The following TBC1D1 variants were observed in gnomAD, a reference collection of about 807,000 sequenced individuals.
TBC1D1 encodes the protein TBC1 domain family member 1.
Under a neutral mutation model 125.6 loss-of-function variants are expected in TBC1D1, and 89 were observed. The ratio of observed to expected loss-of-function variants is 0.71; its 90% CI spans 0.60 to 0.85. TBC1D1 has a LOEUF of 0.85. Ranked by LOEUF, TBC1D1 falls within the 40% of genes least tolerant of loss-of-function variation. The pLI, the probability that TBC1D1 is intolerant of heterozygous loss-of-function variation, is 0.00. For synonymous variants in TBC1D1, 565 were observed against 564.1 expected (o/e 1.00, Z -0.02); for missense variants, 1,377 against 1,469.2 (o/e 0.94, Z 1.03).
chr4:38,015,920 A>G (rs549254880), intron 3 of TBC1D1, among the ~76,000 whole-genome samples: 8 of 152,270 alleles, frequency 5.3e-5, no homozygotes, highest in African/African-American at 1.9e-4. Context: ...GATCTAGTGT[A>G]CCGAAAAGAG....
chr4:38,028,081 A>G (rs984752609), intron 7 of TBC1D1, among the ~76,000 whole-genome samples: 3 of 151,936 alleles, frequency 2.0e-5, no homozygotes, highest in Admixed American at 6.6e-5. Context: ...ACCACACATA[A>G]AAGACACGAT....
intron 2 of TBC1D1, among the ~76,000 whole-genome samples, chr4:37,989,834 C>T (rs931338941): frequency 6.6e-6 from 1 of 152,142 alleles, no homozygotes; most frequent in African/African-American, 2.4e-5. Flanking sequence ...TAGGGAGGGA[C>T]TCCTTGACAG....
intron 15 of TBC1D1, chr4:38,110,827 T>C: frequency 1.0e-6 from 1 of 985,526 alleles, no homozygotes; most frequent in Non-Finnish European, 1.2e-6. Flanking sequence ...TCCCTCGAGT[T>C]TGGCAGAAAT....
chr4:38,078,594 A>T (rs749957030), intron 12 of TBC1D1, among the ~76,000 whole-genome samples: 47 of 152,212 alleles, frequency 3.1e-4, no homozygotes, highest in Non-Finnish European at 5.1e-4. Context: ...TCCCAAAAAG[A>T]GGTAGAGACC....
intron 7 of TBC1D1, among the ~76,000 whole-genome samples, chr4:38,028,835 T>A (rs377181897): frequency 1.3e-5 from 2 of 152,224 alleles, no homozygotes; most frequent in South Asian, 4.1e-4. Context: ...CAATGTTTGG[T>A]ACATGAACTT....
chr4:38,031,972 G>A (rs1746238715), intron 7 of TBC1D1, among the ~76,000 whole-genome samples: 1 of 152,180 alleles, frequency 6.6e-6, no homozygotes, highest in African/African-American at 2.4e-5. Context: ...GTATAATTCA[G>A]TGAATTTTTA....
intron 2 of TBC1D1, among the ~76,000 whole-genome samples, chr4:38,000,908 T>G (rs1283396820): frequency 1.3e-5 from 2 of 152,128 alleles, no homozygotes; most frequent in African/African-American, 4.8e-5. Flanking sequence ...TTACTTACAT[T>G]TACTGGTTTA....
chr4:37,984,707 G>A (rs1337599877), intron 2 of TBC1D1, among the ~76,000 whole-genome samples: 1 of 151,702 alleles, frequency 6.6e-6, no homozygotes, highest in Non-Finnish European at 1.5e-5. Context: ...GCTGGGTGTG[G>A]TGGCGTGTAC....
chr4:37,961,069 G>A (rs578086997), intron 2 of TBC1D1: 6 of 1,588,452 alleles, frequency 3.8e-6, no homozygotes, highest in Middle Eastern at 1.7e-4. Flanking sequence ...TGGAGTTTGT[G>A]TGTACTTGTA....
At chr4:38,063,908 C>T (rs1028258798) in intron 12 of TBC1D1, among the ~76,000 whole-genome samples, 4 of 152,292 alleles carry the variant, frequency 2.6e-5, no homozygotes, top group Admixed American at 2.0e-4. Context: ...GGATTACAGG[C>T]GTGAGCCCGA....
chr4:38,123,112 C>T (rs373272908), intron 17 of TBC1D1, among the ~76,000 whole-genome samples: 7 of 152,176 alleles, frequency 4.6e-5, no homozygotes, highest in Non-Finnish European at 7.3e-5. Context: ...TTTTAATTGG[C>T]GTAGATGTGG....
At chr4:38,113,176 A>G (rs2152569910) in intron 15 of TBC1D1, among the ~76,000 whole-genome samples, 1 of 152,304 alleles carries the variant, frequency 6.6e-6, no homozygotes, top group Admixed American at 6.5e-5. Context: ...TTGAAAGATT[A>G]TTAGGAATTT....
intron 2 of TBC1D1, among the ~76,000 whole-genome samples, chr4:37,990,571 A>G (rs1339085969): frequency 6.6e-6 from 1 of 152,248 alleles, no homozygotes; most frequent in Non-Finnish European, 1.5e-5. Context: ...TCTAAGGCCA[A>G]AGCCTTCTTA....
At chr4:38,123,807 A>T (rs969308186) in intron 17 of TBC1D1, among the ~76,000 whole-genome samples, 4 of 152,250 alleles carry the variant, frequency 2.6e-5, no homozygotes, top group African/African-American at 9.6e-5. Flanking sequence ...GGGCTATCCC[A>T]GCCAGCGGGC....
At chr4:37,960,769 C>A in intron 2 of TBC1D1, 4 of 1,614,112 alleles carry the variant, frequency 2.5e-6, no homozygotes, top group Non-Finnish European at 2.5e-6. Flanking sequence ...GACGCCTATC[C>A]AGAAATAGAA....
Position 37,985,499 on chromosome 4 carries a change from A to G in TBC1D1, c.418-29010A>G, listed in dbSNP as rs1286337029. On this transcript the variant is annotated intron_variant, in intron 2 of 19. Coordinates refer to ENST00000261439, the MANE Select transcript of TBC1D1 (RefSeq NM_015173.4). The stretch of plus-strand genomic sequence containing the variant: ...AGACTCACAGGCTCTGTTCTTTTAC[A>G]TTGGTTGAACTTGGCTAAGTTAACT... Among the ~76,000 whole-genome samples, 6 of 152,304 alleles carry G rather than the reference A, an allele frequency of 3.9e-5. No homozygotes were observed. The East Asian group carries it at 1.2e-3, about 29-fold the overall frequency.
intron 14 of TBC1D1, among the ~76,000 whole-genome samples, chr4:38,097,525 G>A (rs940316031): frequency 6.6e-6 from 1 of 152,100 alleles, no homozygotes; most frequent in African/African-American, 2.4e-5. Flanking sequence ...TGTATTTTTA[G>A]TAGAGATGGG....
At chr4:38,015,040 A>T (rs886583154) in intron 3 of TBC1D1, 67 bp downstream of exon 3, 57 of 1,342,594 alleles carry the variant, frequency 4.2e-5, no homozygotes, top group Non-Finnish European at 4.9e-5. Flanking sequence ...AATCTGCTTT[A>T]TGGAGCGAAG....
At chr4:38,021,819 G>T in intron 6 of TBC1D1, 101 bp downstream of exon 6, 3 of 1,286,488 alleles carry the variant, frequency 2.3e-6, no homozygotes, top group Non-Finnish European at 2.0e-6. Flanking sequence ...CCTAACAGAG[G>T]CTTGTATTAG....
Sources: allele counts gnomAD v4.1 joint callset (sites outside exome capture counted in the v4.1 genomes callset), GRCh38; gene constraint gnomAD v4.1.1; transcripts MANE v1.5; gene names NCBI Gene and HGNC (gene_info 2026-07-23, HGNC 2026-07-21).